The following COL8A1 variants were observed in gnomAD, a reference collection of about 807,000 sequenced individuals.
COL8A1 encodes collagen type VIII alpha 1 chain, also known as collagen alpha-1(VIII) chain.
Under a neutral mutation model 42.7 loss-of-function variants are expected in COL8A1, and 21 were observed. The observed-to-expected ratio is 0.49, with a 90% CI of 0.35 to 0.71. The LOEUF (loss-of-function observed/expected upper bound fraction) is 0.71. Ranked by LOEUF, COL8A1 falls within the 30% of genes least tolerant of loss-of-function variation. The pLI is 0.01. For synonymous variants in COL8A1, 367 were observed against 369.1 expected (o/e 0.99, Z 0.06); for missense variants, 788 against 962.4 (o/e 0.82, Z 2.40).
At chr3:99,647,579 C>T (rs1937687112) in intron 1 of COL8A1, among the ~76,000 whole-genome samples, 1 of 152,166 alleles carries the variant, frequency 6.6e-6, no homozygotes, top group Non-Finnish European at 1.5e-5. Context: ...TTCCATCCCA[C>T]TCTCTGGATA....
At chr3:99,734,181 T>C (rs1002103935) in intron 1 of COL8A1, among the ~76,000 whole-genome samples, 2 of 148,224 alleles carry the variant, frequency 1.3e-5, no homozygotes, top group Admixed American at 6.6e-5. Context: ...ATTTTGTCTT[T>C]TGTTGCCATT....
chr3:99,780,396 A>C (rs1390375397), intron 2 of COL8A1, among the ~76,000 whole-genome samples: 1 of 152,188 alleles, frequency 6.6e-6, no homozygotes, highest in Non-Finnish European at 1.5e-5. Context: ...GGACTCATTC[A>C]TGCCCCTCGC....
chr3:99,794,240 A>G lies in COL8A1; in HGVS notation c.339A>G (p.Leu113=). 1 of 1,577,122 alleles carries G rather than the reference A, an allele frequency of 6.3e-7. No individual in the cohort carries two copies. The highest frequency in any genetic ancestry group is 8.6e-7 in the Non-Finnish European group (1 of 1,163,382). The change falls in exon 4 of 4, where the codon TTA becomes TTG. Residue 113 remains leucine, a synonymous_variant. Coordinates refer to ENST00000652472, the MANE Select transcript of COL8A1 (RefSeq NM_020351.4). This position sits in a 1 kb window ranked among gnomAD's most constrained non-coding sequence, Gnocchi z 4.3. ...TTCTCTTCCCAGTAGAAATACCATT[A>G]GCCAGTTTACGAGGGGAACAAGGTC... is the stretch of plus-strand genomic sequence containing the variant. The part of the protein sequence containing the change: ...AVPKKGKEIP[L]ASLRGEQGPR...
intron 2 of COL8A1, among the ~76,000 whole-genome samples, chr3:99,746,019 TA>T (rs1941018096): frequency 6.6e-6 from 1 of 152,150 alleles, no homozygotes; most frequent in Non-Finnish European, 1.5e-5. Context: ...ATTTCATAAT[TA>T]AAAGAATGAA....
intron 1 of COL8A1, among the ~76,000 whole-genome samples, chr3:99,664,121 A>G (rs1938292496): frequency 6.6e-6 from 1 of 152,230 alleles, no homozygotes; most frequent in Non-Finnish European, 1.5e-5. Flanking sequence ...CATAGAAAGG[A>G]CATGGTTAAA....
chr3:99,787,313 T>A (rs753908409), intron 2 of COL8A1, among the ~76,000 whole-genome samples: 2 of 152,222 alleles, frequency 1.3e-5, no homozygotes, highest in African/African-American at 2.4e-5. Flanking sequence ...CTGTTCAAAG[T>A]ATCTAGGATT....
At chr3:99,701,705 A>G (rs1939544911) in intron 1 of COL8A1, among the ~76,000 whole-genome samples, 1 of 152,228 alleles carries the variant, frequency 6.6e-6, no homozygotes, top group Admixed American at 6.5e-5. Flanking sequence ...TTCTGGAGTT[A>G]TATAACTCTA....
At chr3:99,658,582 C>T (rs1335416895) in intron 1 of COL8A1, among the ~76,000 whole-genome samples, 2 of 152,112 alleles carry the variant, frequency 1.3e-5, no homozygotes, top group African/African-American at 4.8e-5. Flanking sequence ...CAGTCTGTCC[C>T]CAGCACAGAG....
chr3:99,689,478 A>T (rs549913800), intron 1 of COL8A1, among the ~76,000 whole-genome samples: 1 of 152,218 alleles, frequency 6.6e-6, no homozygotes, highest in African/African-American at 2.4e-5. Context: ...AAAAAGATAC[A>T]GACCAGGCCC....
Position 99,796,319 on chromosome 3 carries a change from C to T in COL8A1, c.*183C>T. ...TAAGATGCATGTTTAATACTCCACA[C>T]AGCAGCCTGTAATTGCGAATGATGG... On this transcript the variant is annotated 3_prime_UTR_variant, in exon 4 of 4. Coordinates refer to ENST00000652472, the MANE Select transcript of COL8A1 (RefSeq NM_020351.4). 2.0e-6 allele frequency: 1 copy of T among 494,364 alleles called. No individual in the cohort carries two copies. The highest frequency in any genetic ancestry group is 3.5e-6 in the Non-Finnish European group (1 of 284,408). The allele number at this position is 494,364 out of a possible 1,614,324, so 30.6% of individuals were successfully genotyped here. A position where few individuals can be genotyped will look rare whatever the true frequency, so the allele number is the denominator to read the frequency against.
Position 99,794,990 on chromosome 3 carries a change from C to T in COL8A1, c.1089C>T (p.Gly363=), listed in dbSNP as rs150035054. The T allele has an allele frequency of 6.2e-7, 1 of 1,606,268 alleles. No homozygotes were observed. Among genetic ancestry groups the T allele is most frequent in the Admixed American group, 1.7e-5 (1 of 59,008 alleles). The change falls in exon 4 of 4, where the codon GGC becomes GGT. Residue 363 remains glycine (G), a synonymous_variant. Transcript: ENST00000652472. This position sits in a 1 kb window ranked among gnomAD's most constrained non-coding sequence, Gnocchi z 4.3. ...PGFPGPKGDR[G]MGGVPGALGP... ...TCCCAGGACCCAAAGGTGACCGGGG[C>T]ATGGGAGGTGTTCCTGGGGCTCTTG...
intron 1 of COL8A1, among the ~76,000 whole-genome samples, chr3:99,645,144 C>T (rs1343191213): frequency 6.6e-6 from 1 of 152,170 alleles, no homozygotes; most frequent in Non-Finnish European, 1.5e-5. Context: ...TACACTCTGA[C>T]GATAAGCCTA....
At chr3:99,692,667 A>G (rs1162835440) in intron 1 of COL8A1, among the ~76,000 whole-genome samples, 1 of 152,242 alleles carries the variant, frequency 6.6e-6, no homozygotes, top group East Asian at 1.9e-4. Context: ...CCTAGGTACT[A>G]TACAGTCATG....
At chr3:99,781,939 C>T (rs1047600273) in intron 2 of COL8A1, among the ~76,000 whole-genome samples, 1 of 152,160 alleles carries the variant, frequency 6.6e-6, no homozygotes, top group Non-Finnish European at 1.5e-5. Flanking sequence ...TCATTAACCA[C>T]GAATTTCCCC....
At chr3:99,684,249 G>A (rs575491641) in intron 1 of COL8A1, among the ~76,000 whole-genome samples, 26 of 152,140 alleles carry the variant, frequency 1.7e-4, no homozygotes, top group Non-Finnish European at 3.5e-4. Context: ...GCCTAGTACT[G>A]TACTGGACAT....
At chr3:99,787,625 C>A (rs1666612762) in intron 2 of COL8A1, among the ~76,000 whole-genome samples, 1 of 152,092 alleles carries the variant, frequency 6.6e-6, no homozygotes, top group Admixed American at 6.6e-5. Context: ...GAGGGATGGG[C>A]AGAGATTATA....
intron 2 of COL8A1, among the ~76,000 whole-genome samples, chr3:99,755,831 G>GC (rs1391608460): frequency 1.3e-5 from 2 of 152,186 alleles, no homozygotes; most frequent in Admixed American, 6.5e-5. Context: ...AAAGAAGAGA[G>GC]CGGAGCCAGA....
intron 1 of COL8A1, among the ~76,000 whole-genome samples, chr3:99,659,265 A>G (rs1222606218): frequency 6.6e-6 from 1 of 152,206 alleles, no homozygotes; most frequent in Non-Finnish European, 1.5e-5. Flanking sequence ...AACAAGGGTC[A>G]TGTGTACGTG....
At chr3:99,746,266 G>A (rs958789441) in intron 2 of COL8A1, among the ~76,000 whole-genome samples, 2 of 152,136 alleles carry the variant, frequency 1.3e-5, no homozygotes, top group African/African-American at 4.8e-5. Context: ...AAAGCCAGAT[G>A]TTCTCCAAAT....
Sources: allele counts gnomAD v4.1 joint callset (sites outside exome capture counted in the v4.1 genomes callset), GRCh38; gene constraint gnomAD v4.1.1; non-coding constraint Gnocchi (gnomAD v3.1); transcripts MANE v1.5; gene names NCBI Gene and HGNC (gene_info 2026-07-23, HGNC 2026-07-21).